The following CADPS variants were observed in gnomAD, a reference collection of about 807,000 sequenced individuals.
CADPS encodes calcium dependent secretion activator, also known as calcium-dependent secretion activator 1.
A neutral mutation model predicts 167.3 loss-of-function variants in CADPS; 57 were observed. That is an observed-to-expected ratio of 0.34 (90% CI 0.28 to 0.42). The LOEUF (loss-of-function observed/expected upper bound fraction) is 0.42, where lower values mean the gene tolerates loss of function less well. Ranked by LOEUF, CADPS falls within the 20% of genes least tolerant of loss-of-function variation. CADPS has a pLI of 1.00. For missense variants in CADPS, 1,414 were observed against 1,738.1 expected (o/e 0.81, Z 3.32); for synonymous variants, 676 against 635.3 (o/e 1.06, Z -0.96).
chr3:62,582,726 AG>A (rs1433998626), intron 8 of CADPS, among the ~76,000 whole-genome samples: 3 of 152,202 alleles, frequency 2.0e-5, no homozygotes, highest in South Asian at 2.1e-4. Context: ...ATCTCCTGGC[AG>A]GGGTAATTTT....
intron 1 of CADPS, among the ~76,000 whole-genome samples, chr3:62,857,134 A>G (rs937876110): frequency 2.0e-5 from 3 of 152,140 alleles, no homozygotes; most frequent in Non-Finnish European, 4.4e-5. Flanking sequence ...GCTCTTAAAA[A>G]CAAATAAGCA....
chr3:62,868,979 C>G (rs2082173856), intron 1 of CADPS, among the ~76,000 whole-genome samples: 2 of 152,140 alleles, frequency 1.3e-5, no homozygotes, highest in South Asian at 4.1e-4. Context: ...AGCTAAAACA[C>G]AGGTTTCAAA....
intron 11 of CADPS, among the ~76,000 whole-genome samples, chr3:62,543,337 C>T (rs1400436125): frequency 6.6e-6 from 1 of 152,098 alleles, no homozygotes; most frequent in Non-Finnish European, 1.5e-5. Flanking sequence ...GGAATTAAGG[C>T]AAACAATTGT....
intron 28 of CADPS, among the ~76,000 whole-genome samples, chr3:62,413,325 A>T (rs2049341672): frequency 1.3e-5 from 2 of 152,184 alleles, no homozygotes; most frequent in South Asian, 2.1e-4. Flanking sequence ...GCCCACATTG[A>T]TGTTCATAGC....
intron 3 of CADPS, among the ~76,000 whole-genome samples, chr3:62,670,689 A>G (rs538042395): frequency 2.0e-5 from 3 of 152,222 alleles, no homozygotes; most frequent in South Asian, 4.2e-4. Context: ...ACATTAAAAA[A>G]AAACCCAAAC....
At chr3:62,533,526 C>G (rs1357147597) in intron 12 of CADPS, among the ~76,000 whole-genome samples, 1 of 152,144 alleles carries the variant, frequency 6.6e-6, no homozygotes, top group Admixed American at 6.6e-5. Flanking sequence ...TATAGCAACT[C>G]TGTAAGGTAG....
At chr3:62,661,627 T>G (rs1422692223) in intron 4 of CADPS, among the ~76,000 whole-genome samples, 2 of 152,172 alleles carry the variant, frequency 1.3e-5, no homozygotes, top group African/African-American at 4.8e-5. Flanking sequence ...TGAAGGATTT[T>G]GAGGCTCTGT....
At chr3:62,571,324 GA>G (rs1377229372) in intron 8 of CADPS, among the ~76,000 whole-genome samples, 4 of 152,108 alleles carry the variant, frequency 2.6e-5, no homozygotes, top group Non-Finnish European at 5.9e-5. Flanking sequence ...TTTCACTCAG[GA>G]AAACCTTCCC....
intron 27 of CADPS, among the ~76,000 whole-genome samples, chr3:62,445,135 A>G (rs1487165731): frequency 1.3e-5 from 2 of 152,156 alleles, no homozygotes; most frequent in Non-Finnish European, 2.9e-5. Flanking sequence ...ACTTAACCTC[A>G]ATTTAAATGT....
chr3:62,851,111 G>T (rs2078480255), intron 1 of CADPS, among the ~76,000 whole-genome samples: 5 of 120,928 alleles, frequency 4.1e-5, no homozygotes, highest in Admixed American at 8.7e-5. Context: ...GCCTTTTTTT[G>T]TTTTCCATTT....
intron 3 of CADPS, among the ~76,000 whole-genome samples, chr3:62,706,100 G>A (rs1351203486): frequency 6.6e-6 from 1 of 152,064 alleles, no homozygotes; most frequent in Non-Finnish European, 1.5e-5. Context: ...AGCTTCCAGA[G>A]TGTGGCAGCT....
chr3:62,596,563 T>C (rs1205274764), intron 6 of CADPS, among the ~76,000 whole-genome samples: 1 of 152,196 alleles, frequency 6.6e-6, no homozygotes, highest in Non-Finnish European at 1.5e-5. Flanking sequence ...AGCATATCCA[T>C]CACCTCAAAT....
intron 3 of CADPS, among the ~76,000 whole-genome samples, chr3:62,720,299 G>T (rs1307200243): frequency 2.0e-5 from 3 of 151,412 alleles, no homozygotes; most frequent in Non-Finnish European, 4.4e-5. Flanking sequence ...ATGCAGGAAT[G>T]GTATCAGGGG....
chr3:62,470,377 A>G (rs1168950225), intron 24 of CADPS, among the ~76,000 whole-genome samples: 2 of 152,248 alleles, frequency 1.3e-5, no homozygotes, highest in Non-Finnish European at 2.9e-5. Flanking sequence ...ACATAAAAAC[A>G]TTGGACTTTC....
chr3:62,855,347 G>A (rs1053215654), intron 1 of CADPS, among the ~76,000 whole-genome samples: 5 of 151,796 alleles, frequency 3.3e-5, no homozygotes, highest in African/African-American at 9.7e-5. Flanking sequence ...TTCACTAAAT[G>A]TAAGTTCTGA....
At position 62,871,438 on chromosome 3, in the gene CADPS, A is replaced by C. The variant is rs566521937; in HGVS notation, c.441+3151T>G. On this transcript the variant is annotated intron_variant, in intron 1 of 29. Transcript: ENST00000383710. ...AAGGAGGACCTCTCTCAATTCAGAG[A>C]GAAATAACTCTGGGTAAAGAAGTAC... is the stretch of plus-strand genomic sequence containing the variant. Among the ~76,000 whole-genome samples the C allele has an allele frequency of 6.6e-5, 10 of 152,276 alleles. No individual in the cohort carries two copies. The South Asian group carries it at 1.9e-3, about 28-fold the overall frequency.
chr3:62,464,675 C>T (rs2059743904), intron 26 of CADPS, among the ~76,000 whole-genome samples: 1 of 152,146 alleles, frequency 6.6e-6, no homozygotes, highest in South Asian at 2.1e-4. Context: ...ATCAGGGCCT[C>T]TTGGAATTTG....
chr3:62,834,315 C>T (rs1208847773), intron 1 of CADPS, among the ~76,000 whole-genome samples: 1 of 152,080 alleles, frequency 6.6e-6, no homozygotes, highest in Non-Finnish European at 1.5e-5. Flanking sequence ...TCAACTGGCC[C>T]CATCTACCAT....
At chr3:62,830,474 T>C (rs970554049) in intron 1 of CADPS, among the ~76,000 whole-genome samples, 2 of 152,212 alleles carry the variant, frequency 1.3e-5, no homozygotes, top group Admixed American at 6.5e-5. Context: ...AGAAAAATGC[T>C]GAAAATACTT....
Sources: gnomAD v4.1 joint callset for allele counts (sites outside exome capture counted in the v4.1 genomes callset) on GRCh38, gnomAD v4.1.1 for gene constraint, MANE v1.5 for transcripts, NCBI Gene and HGNC (gene_info 2026-07-23, HGNC 2026-07-21) for gene names.